KDM2A: variants seen among roughly 807,000 people sequenced by gnomAD.
KDM2A encodes the protein lysine-specific demethylase 2A.
Under a neutral mutation model 137.3 loss-of-function variants are expected in KDM2A, and 3 were observed. The observed-to-expected ratio is 0.02, with a 90% confidence interval of 0.01 to 0.06. KDM2A has a LOEUF of 0.06. Among genes scored for constraint, KDM2A ranks in the 10% least tolerant of loss-of-function variants. KDM2A has a pLI of 1.00. For missense variants in KDM2A, 738 were observed against 1,510.6 expected, an observed-to-expected ratio of 0.49 and a Z score of 8.48; for synonymous variants, 512 against 541.5, an observed-to-expected ratio of 0.95 and a Z score of 0.76.
chr11:67,212,110 T>C lies in KDM2A; in HGVS notation c.487-3230T>C, dbSNP rs1056378333. On this transcript the variant is annotated intron_variant, in intron 6 of 20. Transcript: ENST00000529006. ...CAGGAGTTTGAGGCAGCCTAGGCAA[T>C]GTGGCAAGACCCAGTCTTTTAAAAT... is the stretch of plus-strand genomic sequence containing the variant. 5.3e-5 allele frequency among the ~76,000 whole-genome samples: 8 copies of C among 152,026 alleles called. 1 individual carries two copies. The highest frequency in any genetic ancestry group is 4.1e-4 in the South Asian group (2 of 4,828).
chr11:67,196,092 A>G (rs990783222), intron 5 of KDM2A: 17 of 394,596 alleles, frequency 4.3e-5, no homozygotes, highest in Admixed American at 4.1e-4. Context: ...TCACACGAAC[A>G]TAATTGTCGG....
At position 67,235,602 on chromosome 11, in the gene KDM2A, CTTTTTTGTTT is replaced by C; in HGVS notation, c.1479+3644_1479+3653del. Among the ~76,000 whole-genome samples, 3 of 146,266 alleles carry C rather than the reference CTTTTTTGTTT, an allele frequency of 2.1e-5. No homozygotes were observed. In the South Asian group the frequency reaches 6.5e-4, roughly 31 times the overall value. ...ACAGGCGTGACACCGCGCCCGGCTG[CTTTTTTGTTT>C]TGTTTTGTTTTGTTTTGTTTTGTTT... On this transcript the variant is annotated intron_variant, in intron 12 of 20. Transcript: ENST00000529006.
At chr11:67,243,682 G>T (rs2072819274) in intron 13 of KDM2A, 1 of 152,388 alleles carries the variant, frequency 6.6e-6, no homozygotes, top group Admixed American at 6.5e-5. Context: ...AGGCGTGGTG[G>T]CATGCGCCTA....
At chr11:67,169,755 CTCTCTT>C (rs1380930677) in intron 2 of KDM2A, among the ~76,000 whole-genome samples, 2 of 48,334 alleles carry the variant, frequency 4.1e-5, no homozygotes, top group African/African-American at 6.8e-5. Context: ...CTCTCTCTCT[CTCTCTT>C]TTTTTTTTTT....
intron 5 of KDM2A, among the ~76,000 whole-genome samples, chr11:67,198,096 A>T (rs1290835799): frequency 6.6e-6 from 1 of 152,172 alleles, no homozygotes; most frequent in Non-Finnish European, 1.5e-5. Context: ...AAGGAGGAAG[A>T]GGTGGGATTG....
chr11:67,125,725 G>A (rs1486555673), intron 2 of KDM2A, among the ~76,000 whole-genome samples: 1 of 150,190 alleles, frequency 6.7e-6, no homozygotes, highest in Non-Finnish European at 1.5e-5. Flanking sequence ...GTTGCACTAA[G>A]CAGAGATTGC....
intron 2 of KDM2A, among the ~76,000 whole-genome samples, chr11:67,134,661 C>T (rs1261412541): frequency 2.0e-5 from 3 of 150,950 alleles, no homozygotes; most frequent in Non-Finnish European, 3.0e-5. Context: ...TGCGTCGCCA[C>T]GCCCAGCTAA....
At chr11:67,228,686 G>GAACAA (rs1555096390) in intron 11 of KDM2A, among the ~76,000 whole-genome samples, 1 of 105,014 alleles carries the variant, frequency 9.5e-6, no homozygotes, top group Non-Finnish European at 2.1e-5. Context: ...ACCCTGTTGC[G>GAACAA]AAAAAAAAAA....
intron 16 of KDM2A, among the ~76,000 whole-genome samples, chr11:67,249,781 T>A (rs1377826920): frequency 6.6e-6 from 1 of 152,204 alleles, no homozygotes; most frequent in Admixed American, 6.5e-5. Flanking sequence ...GTGGGCTTTT[T>A]CCACCATGAA....
intron 2 of KDM2A, among the ~76,000 whole-genome samples, chr11:67,159,311 T>G (rs905354930): frequency 1.3e-5 from 2 of 152,228 alleles, no homozygotes; most frequent in Non-Finnish European, 2.9e-5. Context: ...TGGTCCTGTG[T>G]CAAAGATAAT....
intron 10 of KDM2A, among the ~76,000 whole-genome samples, chr11:67,226,809 C>G (rs1343144206): frequency 1.3e-5 from 2 of 152,134 alleles, no homozygotes; most frequent in Non-Finnish European, 2.9e-5. Flanking sequence ...GCGAGCTGCT[C>G]TTTTATTTTC....
At chr11:67,191,845 C>CA (rs1002356541) in intron 5 of KDM2A, among the ~76,000 whole-genome samples, 7 of 151,468 alleles carry the variant, frequency 4.6e-5, no homozygotes, top group Admixed American at 2.0e-4. Context: ...AGCAATTAGG[C>CA]AAAAAAAGGA....
intron 2 of KDM2A, among the ~76,000 whole-genome samples, chr11:67,128,009 C>CTTT (rs56704753): frequency 5.3e-4 from 57 of 107,866 alleles, no homozygotes; most frequent in African/African-American, 1.1e-3. Context: ...CACACCCGGC[C>CTTT]TTTTTTTTTT....
chr11:67,245,094 C>A lies in KDM2A; in HGVS notation c.1564-95C>A, dbSNP rs1359886413. ...GTGGGCAGATCTGGCCATAGTGGGC[C>A]AAGCCCCAGGCTAGGTATGCTACCA... On this transcript the variant is annotated intron_variant, in intron 13 of 20. Coordinates refer to ENST00000529006, the MANE Select transcript of KDM2A (RefSeq NM_012308.3). This position sits in a 1 kb window ranked among gnomAD's most constrained non-coding sequence, Gnocchi z 4.1. 1.4e-6 allele frequency: 2 copies of A among 1,435,196 alleles called. No homozygotes were observed. Among genetic ancestry groups the A allele is most frequent in the Non-Finnish European group, 1.9e-6 (2 of 1,054,904 alleles). The allele number at this position is 1,435,196 out of a possible 1,614,324, so 88.9% of individuals were successfully genotyped here. A position where few individuals can be genotyped will look rare whatever the true frequency, so the allele number is the denominator to read the frequency against.
intron 16 of KDM2A, among the ~76,000 whole-genome samples, chr11:67,249,312 A>T (rs11227752): frequency 0.03 from 4,636 of 152,320 alleles, 106 homozygotes; most frequent in African/African-American, 0.065. Flanking sequence ...CTTCTAATAC[A>T]TTGGAAAAGG....
intron 5 of KDM2A, among the ~76,000 whole-genome samples, chr11:67,186,709 A>C (rs1857215029): frequency 6.6e-6 from 1 of 152,216 alleles, no homozygotes; most frequent in Non-Finnish European, 1.5e-5. Flanking sequence ...AAAATCTAAT[A>C]CTGAAACTTT....
intron 10 of KDM2A, 131 bp downstream of exon 10, chr11:67,219,534 G>A (rs1858270385): frequency 2.2e-6 from 1 of 448,120 alleles, no homozygotes; most frequent in South Asian, 5.2e-5. Flanking sequence ...TTGACATTTT[G>A]GGAACACACA....
At chr11:67,213,755 CAA>C (rs71056186) in intron 6 of KDM2A, among the ~76,000 whole-genome samples, 23 of 77,174 alleles carry the variant, frequency 3.0e-4, no homozygotes, top group African/African-American at 4.2e-4. Flanking sequence ...CAGACCGTCT[CAA>C]AAAAAAAAAA....
Position 67,181,778 on chromosome 11 carries a change from GA to G in KDM2A, c.261-60del, listed in dbSNP as rs1189243546. 8.6e-5 allele frequency: 119 copies of G among 1,382,496 alleles called. No individual in the cohort carries two copies. The East Asian group carries it at 2.7e-3, about 31-fold the overall frequency. 85.6% of individuals were successfully genotyped at this position (1,382,496 alleles called of 1,614,324 possible). ...GTCTGGGGAGTACTCAGTACTTTAA[GA>G]AAAAAAACTCACATTTACTAGAGCA... On this transcript the variant is annotated intron_variant, in intron 4 of 20. Coordinates refer to ENST00000529006, the MANE Select transcript of KDM2A (RefSeq NM_012308.3).
Sources: allele counts gnomAD v4.1 joint callset (sites outside exome capture counted in the v4.1 genomes callset), GRCh38; gene constraint gnomAD v4.1.1; non-coding constraint Gnocchi (gnomAD v3.1); transcripts MANE v1.5; gene names NCBI Gene and HGNC (gene_info 2026-07-23, HGNC 2026-07-21).